The following RGS7 variants were observed in gnomAD, a reference collection of about 807,000 sequenced individuals.
The protein encoded by RGS7 is regulator of G-protein signaling 7.
Under a neutral mutation model 81.1 loss-of-function variants are expected in RGS7, and 27 were observed. The observed-to-expected ratio is 0.33, with a 90% CI of 0.25 to 0.46. The LOEUF is 0.46. Ranked by LOEUF, RGS7 falls within the 20% of genes least tolerant of loss-of-function variation. The pLI is 1.00. For missense variants in RGS7, 396 were observed against 607.4 expected, an observed-to-expected ratio of 0.65 and a Z score of 3.66; for synonymous variants, 208 against 207.7, an observed-to-expected ratio of 1.00 and a Z score of -0.01.
intron 18 of RGS7, among the ~76,000 whole-genome samples, chr1:240,793,652 C>T (rs1686486850): frequency 1.5e-5 from 2 of 129,674 alleles, no homozygotes; most frequent in African/African-American, 6.5e-5. Context: ...CACTGTCGCC[C>T]AGGCTGGAGG....
intron 4 of RGS7, among the ~76,000 whole-genome samples, chr1:240,940,313 C>T (rs960532674): frequency 5.9e-5 from 9 of 152,070 alleles, no homozygotes; most frequent in African/African-American, 2.2e-4. Flanking sequence ...GTGAAGATCC[C>T]CATGTACATG....
intron 3 of RGS7, among the ~76,000 whole-genome samples, chr1:241,012,709 G>A (rs966621216): frequency 1.3e-5 from 2 of 152,158 alleles, no homozygotes; most frequent in Non-Finnish European, 2.9e-5. Context: ...TGCGAGATTT[G>A]CATCTGTAGA....
At chr1:240,852,619 C>T (rs1660318226) in intron 9 of RGS7, among the ~76,000 whole-genome samples, 1 of 152,142 alleles carries the variant, frequency 6.6e-6, no homozygotes, top group South Asian at 2.1e-4. Context: ...TTATTATCTA[C>T]TGCCCATCTT....
At chr1:241,078,058 A>C (rs1330214981) in intron 3 of RGS7, among the ~76,000 whole-genome samples, 1 of 150,442 alleles carries the variant, frequency 6.6e-6, no homozygotes, top group Non-Finnish European at 1.5e-5. Context: ...ATGTCATATA[A>C]AATATATTTA....
chr1:241,322,546 C>T (rs1380117366), intron 2 of RGS7, among the ~76,000 whole-genome samples: 1 of 152,194 alleles, frequency 6.6e-6, no homozygotes, highest in Non-Finnish European at 1.5e-5. Flanking sequence ...ATCCTACTTA[C>T]ATAAATTCAA....
chr1:241,256,672 G>A (rs948259737), intron 2 of RGS7, among the ~76,000 whole-genome samples: 1 of 152,074 alleles, frequency 6.6e-6, no homozygotes. Flanking sequence ...CTGCATTCTC[G>A]CTGTGTCTTC....
At chr1:241,231,413 AC>A (rs1400275716) in intron 2 of RGS7, among the ~76,000 whole-genome samples, 4 of 152,178 alleles carry the variant, frequency 2.6e-5, no homozygotes, top group African/African-American at 7.2e-5. Flanking sequence ...TGGTAAGATC[AC>A]ATTTTGATTA....
At position 240,860,491 on chromosome 1, in the gene RGS7, T is replaced by C. The variant is rs146367481; in HGVS notation, c.609+8096A>G. The stretch of plus-strand genomic sequence containing the variant: ...TCTCTGATAATTTTCCTTGCTCTGA[T>C]GTTGGCTTTGTCTGAAATTAATCTA... On this transcript the variant is annotated intron_variant, in intron 9 of 18. Coordinates refer to ENST00000440928, the MANE Select transcript of RGS7 (RefSeq NM_001364886.1). Among the ~76,000 whole-genome samples, 500 of 152,248 alleles carry C rather than the reference T, an allele frequency of 3.3e-3. 4 individuals are homozygous for C. The highest frequency in any genetic ancestry group is 0.012 in the African/African-American group (482 of 41,560).
At chr1:240,821,780 T>C (rs2103151226) in intron 10 of RGS7, among the ~76,000 whole-genome samples, 1 of 152,332 alleles carries the variant, frequency 6.6e-6, no homozygotes. Context: ...AGTGCCATGA[T>C]GTCCAAATGA....
chr1:240,818,219 C>T (rs1691162818), intron 10 of RGS7, among the ~76,000 whole-genome samples: 2 of 151,924 alleles, frequency 1.3e-5, no homozygotes, highest in African/African-American at 4.8e-5. Context: ...TATTTTTTCA[C>T]TCATTCATTC....
chr1:241,053,124 G>A (rs1266985412), intron 3 of RGS7, among the ~76,000 whole-genome samples: 1 of 152,132 alleles, frequency 6.6e-6, no homozygotes, highest in Non-Finnish European at 1.5e-5. Context: ...CAGTGAAGTG[G>A]TTCACCAGAA....
intron 3 of RGS7, among the ~76,000 whole-genome samples, chr1:241,034,713 T>C (rs1572378270): frequency 6.6e-6 from 1 of 152,218 alleles, no homozygotes; most frequent in African/African-American, 2.4e-5. Flanking sequence ...TACTGTGTCA[T>C]GCATGGAGGG....
intron 3 of RGS7, among the ~76,000 whole-genome samples, chr1:241,011,231 C>A (rs542304937): frequency 6.6e-6 from 1 of 152,092 alleles, no homozygotes; most frequent in African/African-American, 2.4e-5. Context: ...CTGTTGACTG[C>A]CTCAAATGGA....
chr1:241,328,822 T>C (rs2081776319), intron 2 of RGS7, among the ~76,000 whole-genome samples: 2 of 152,180 alleles, frequency 1.3e-5, no homozygotes. Context: ...CCCAAATAAA[T>C]CTACAGTGGG....
At chr1:241,156,794 G>A (rs1282471356) in intron 2 of RGS7, among the ~76,000 whole-genome samples, 1 of 152,136 alleles carries the variant, frequency 6.6e-6, no homozygotes, top group Non-Finnish European at 1.5e-5. Context: ...TGTCTGTCTT[G>A]AGCCAAGTTG....
chr1:240,857,640 TCTA>T (rs1485847765), intron 9 of RGS7, among the ~76,000 whole-genome samples: 1 of 152,188 alleles, frequency 6.6e-6, no homozygotes, highest in African/African-American at 2.4e-5. Context: ...TAACTGGCCT[TCTA>T]AGACTGGTTT....
At chr1:240,912,992 G>A (rs1032763730) in intron 6 of RGS7, among the ~76,000 whole-genome samples, 6 of 152,148 alleles carry the variant, frequency 3.9e-5, no homozygotes, top group Non-Finnish European at 5.9e-5. Flanking sequence ...CAGTAGCACA[G>A]GTCGGTAGGA....
chr1:241,340,971 C>T (rs2082510210), intron 2 of RGS7, among the ~76,000 whole-genome samples: 1 of 152,182 alleles, frequency 6.6e-6, no homozygotes, highest in African/African-American at 2.4e-5. Flanking sequence ...AGGGAAATCT[C>T]TGAAACGGGA....
chr1:240,901,971 T>C (rs944149855), intron 6 of RGS7, among the ~76,000 whole-genome samples: 3 of 152,240 alleles, frequency 2.0e-5, no homozygotes, highest in African/African-American at 7.2e-5. Context: ...AATAGGGCAT[T>C]TGTTTTAGTT....
Sources: allele counts gnomAD v4.1 joint callset (sites outside exome capture counted in the v4.1 genomes callset), GRCh38; gene constraint gnomAD v4.1.1; transcripts MANE v1.5; gene names NCBI Gene and HGNC (gene_info 2026-07-23, HGNC 2026-07-21).